GDA: variants seen among roughly 807,000 people sequenced by gnomAD.
The protein encoded by GDA is cytoplasmic PSD-95 interactor.
Under a neutral mutation model 59.6 loss-of-function variants are expected in GDA, and 18 were observed. The observed-to-expected ratio is 0.30, with a 90% CI of 0.21 to 0.45. GDA has a LOEUF of 0.45. Ranked by LOEUF, GDA falls within the 20% of genes least tolerant of loss-of-function variation. The pLI, the probability that GDA is intolerant of heterozygous loss-of-function variation, is 1.00. For missense variants in GDA, 427 were observed against 552.3 expected (o/e 0.77, Z 2.27); for synonymous variants, 201 against 201.1 (o/e 1.00, Z 0.00).
chr9:72,243,923 C>G (rs1032779856), intron 11 of GDA, among the ~76,000 whole-genome samples: 13 of 152,240 alleles, frequency 8.5e-5, no homozygotes, highest in Admixed American at 7.8e-4. Context: ...CGCCTGTAAT[C>G]CCAGCACTTT....
At chr9:72,119,026 T>TA (rs974239442) in intron 1 of GDA, among the ~76,000 whole-genome samples, 26 of 152,062 alleles carry the variant, frequency 1.7e-4, no homozygotes, top group Admixed American at 6.6e-5. Context: ...AGCAAATGAT[T>TA]AAAAAAGAAA....
intron 10 of GDA, among the ~76,000 whole-genome samples, chr9:72,240,760 C>T (rs546254476): frequency 1.3e-5 from 2 of 152,114 alleles, no homozygotes; most frequent in African/African-American, 4.8e-5. Context: ...CAAAGAATGC[C>T]AGGAGCCACC....
Position 72,229,442 on chromosome 9 carries a change from C to T in GDA, c.920+1402C>T, listed in dbSNP as rs186764198. The stretch of plus-strand genomic sequence containing the variant: ...GAAGTCAGTGAAGATCGTATCATCA[C>T]GGAAGTTACCACTGTGGGCTCCCGG... On this transcript the variant is annotated intron_variant, in intron 9 of 13. Coordinates refer to ENST00000358399, the MANE Select transcript of GDA (RefSeq NM_004293.5). Among the ~76,000 whole-genome samples, 115 of 152,192 alleles carry T rather than the reference C, an allele frequency of 7.6e-4. 2 individuals are homozygous for T. Among genetic ancestry groups the T allele is most frequent in the Admixed American group, 6.6e-3 (101 of 15,280 alleles).
chr9:72,189,756 A>G (rs1169694743), intron 1 of GDA, among the ~76,000 whole-genome samples: 2 of 152,120 alleles, frequency 1.3e-5, no homozygotes, highest in Non-Finnish European at 2.9e-5. Flanking sequence ...TGGGAGGATC[A>G]TTTGAGCCTG....
rs750299496 is a variant in GDA, at chr9:72,149,531, G to C, written c.-29G>C. 4 of 1,606,134 alleles carry C rather than the reference G, an allele frequency of 2.5e-6. No individual in the cohort carries two copies. The South Asian group carries it at 4.4e-5, about 18-fold the overall frequency. ...CCGCCGCGTGCGCCCTCCTCGACCA[G>C]CAGACCCGCGCTGCGCTCCGCCGCT... On this transcript the variant is annotated 5_prime_UTR_variant, in exon 1 of 14. Coordinates refer to ENST00000358399, the MANE Select transcript of GDA (RefSeq NM_004293.5).
downstream of GDA, among the ~76,000 whole-genome samples, chr9:72,259,158 G>A (rs2131915242): frequency 6.6e-6 from 1 of 151,932 alleles, no homozygotes; most frequent in East Asian, 1.9e-4. Context: ...CCAAGTAGCT[G>A]GGACTACAGG....
At chr9:72,172,580 A>C (rs1212509404) in intron 1 of GDA, among the ~76,000 whole-genome samples, 1 of 152,158 alleles carries the variant, frequency 6.6e-6, no homozygotes, top group Non-Finnish European at 1.5e-5. Context: ...TTAGGACAAG[A>C]GTTAGAGTAA....
rs1421534726 is a variant in GDA at position 72,248,878 on chromosome 9, C to T, written c.*536C>T. 8 of 985,076 alleles carry T rather than the reference C, an allele frequency of 8.1e-6. No homozygotes were observed. The Admixed American group carries it at 3.1e-4, about 38-fold the overall frequency. The allele number at this position is 985,076 out of a possible 1,614,324, so 61.0% of individuals were successfully genotyped here. On this transcript the variant is annotated 3_prime_UTR_variant, in exon 14 of 14. Coordinates refer to ENST00000358399, the MANE Select transcript of GDA (RefSeq NM_004293.5). ...AAAGAGAACTTGTTGAAATTTAAAA[C>T]GTGTTTCTAGGTTGACCTTGTGTTT...
intron 3 of GDA, among the ~76,000 whole-genome samples, chr9:72,204,679 A>G (rs567922397): frequency 6.6e-6 from 1 of 152,368 alleles, no homozygotes; most frequent in Admixed American, 6.5e-5. Context: ...TAAAGATTCT[A>G]TACTATCAAG....
chr9:72,134,366 A>G (rs906031840), intron 1 of GDA, among the ~76,000 whole-genome samples: 24 of 151,536 alleles, frequency 1.6e-4, no homozygotes, highest in African/African-American at 5.8e-4. Flanking sequence ...AACTCTCCAT[A>G]AAACCTACTG....
At chr9:72,193,545 A>G (rs1029988738) in intron 1 of GDA, among the ~76,000 whole-genome samples, 1 of 152,252 alleles carries the variant, frequency 6.6e-6, no homozygotes, top group Non-Finnish European at 1.5e-5. Flanking sequence ...TGTGGCCACA[A>G]TCACCCTTAT....
downstream of GDA, among the ~76,000 whole-genome samples, chr9:72,258,080 G>A (rs374317106): frequency 6.6e-6 from 1 of 152,080 alleles, no homozygotes; most frequent in African/African-American, 2.4e-5. Context: ...GGAGGCTGAG[G>A]TGGGAAAATC....
chr9:72,157,449 A>G (rs1828051781), intron 1 of GDA, among the ~76,000 whole-genome samples: 1 of 152,180 alleles, frequency 6.6e-6, no homozygotes, highest in Non-Finnish European at 1.5e-5. Context: ...CTTTTCAATG[A>G]ACAATATTTT....
At chr9:72,161,600 T>G (rs1286757610) in intron 1 of GDA, among the ~76,000 whole-genome samples, 1 of 152,246 alleles carries the variant, frequency 6.6e-6, no homozygotes, top group Non-Finnish European at 1.5e-5. Context: ...TGTTAAGGAC[T>G]TGCAATAATG....
chr9:72,170,842 C>T (rs1829878010), intron 1 of GDA, among the ~76,000 whole-genome samples: 1 of 151,990 alleles, frequency 6.6e-6, no homozygotes, highest in South Asian at 2.1e-4. Context: ...TTGAGATAGG[C>T]CCTCGCTCTG....
chr9:72,166,043 T>C (rs1216599953), intron 1 of GDA, among the ~76,000 whole-genome samples: 1 of 152,210 alleles, frequency 6.6e-6, no homozygotes, highest in Non-Finnish European at 1.5e-5. Context: ...AGATTTAATC[T>C]AGTTGAGAAA....
chr9:72,201,553 TA>T (rs1481458389), intron 2 of GDA, among the ~76,000 whole-genome samples: 2 of 152,206 alleles, frequency 1.3e-5, no homozygotes, highest in African/African-American at 4.8e-5. Context: ...GGCTTACAGT[TA>T]GGTGGTATGT....
chr9:72,182,436 C>T (rs1831362723), intron 1 of GDA, among the ~76,000 whole-genome samples: 1 of 152,114 alleles, frequency 6.6e-6, no homozygotes, highest in South Asian at 2.1e-4. Context: ...TCTGATGTTT[C>T]CTCATGATTA....
chr9:72,220,068 T>G (rs556377357), intron 6 of GDA, among the ~76,000 whole-genome samples: 9 of 152,266 alleles, frequency 5.9e-5, no homozygotes, highest in African/African-American at 2.2e-4. Context: ...AGTGTATATG[T>G]CTATATACAA....
Sources: gnomAD v4.1 joint callset for allele counts (sites outside exome capture counted in the v4.1 genomes callset) on GRCh38, gnomAD v4.1.1 for gene constraint, MANE v1.5 for transcripts, NCBI Gene and HGNC (gene_info 2026-07-23, HGNC 2026-07-21) for gene names.